The following ARHGEF26 variants were observed in gnomAD, a reference collection of about 807,000 sequenced individuals.
ARHGEF26 encodes the protein Rho guanine nucleotide exchange factor 26, also known as Rho guanine nucleotide exchange factor (GEF) 26.
A neutral mutation model predicts 89.4 loss-of-function variants in ARHGEF26; 59 were observed. That is an observed-to-expected ratio of 0.66 (90% CI 0.54 to 0.82). The LOEUF is 0.82. ARHGEF26 is among the 40% of genes least tolerant of loss of function. The pLI is 0.00. For missense variants in ARHGEF26, 1,234 were observed against 1,085.6 expected (o/e 1.14, Z -1.92); for synonymous variants, 500 against 428.4 (o/e 1.17, Z -2.06).
At chr3:154,219,803 A>C (rs1716007883) in intron 10 of ARHGEF26, among the ~76,000 whole-genome samples, 1 of 151,812 alleles carries the variant, frequency 6.6e-6, no homozygotes, top group South Asian at 2.1e-4. Context: ...AGTCCCAGCT[A>C]CTCGGGAGGC....
In ARHGEF26 at chr3:154,179,181, C is replaced by CA. The variant is rs933950533; in HGVS notation, c.1488-8495dup. On this transcript the variant is annotated intron_variant, in intron 6 of 14. Transcript: ENST00000465093. ...AATAGCCATACGTTTCTTGCTTCCT[C>CA]AAAAAAAAATATGCATGTATAATTG... Among the ~76,000 whole-genome samples, 84 of 150,972 alleles carry CA rather than the reference C, an allele frequency of 5.6e-4. 1 individual carries two copies. Among genetic ancestry groups the CA allele is most frequent in the Middle Eastern group, 6.8e-3 (2 of 294 alleles).
chr3:154,234,790 G>T (rs1717009685), intron 11 of ARHGEF26, among the ~76,000 whole-genome samples: 1 of 151,926 alleles, frequency 6.6e-6, no homozygotes, highest in African/African-American at 2.4e-5. Context: ...TTTTGAAGCG[G>T]AGTCTCACTT....
At chr3:154,209,330 TTG>T (rs1715226220) in intron 9 of ARHGEF26, among the ~76,000 whole-genome samples, 1 of 152,114 alleles carries the variant, frequency 6.6e-6, no homozygotes, top group Non-Finnish European at 1.5e-5. Context: ...TAGGTGTTCT[TTG>T]TGTCTGGGCA....
At chr3:154,169,392 C>G (rs1712272085) in intron 6 of ARHGEF26, among the ~76,000 whole-genome samples, 2 of 151,998 alleles carry the variant, frequency 1.3e-5, no homozygotes, top group East Asian at 1.9e-4. Flanking sequence ...AATGTGTTTC[C>G]TGACACGCGT....
chr3:154,205,638 A>G (rs1007220063), intron 9 of ARHGEF26, among the ~76,000 whole-genome samples: 5 of 151,858 alleles, frequency 3.3e-5, no homozygotes, highest in African/African-American at 7.3e-5. Context: ...CATCTGATTT[A>G]GTTTTTTGCT....
intron 6 of ARHGEF26, among the ~76,000 whole-genome samples, chr3:154,179,799 G>T (rs1170360244): frequency 1.3e-5 from 2 of 152,178 alleles, no homozygotes; most frequent in Non-Finnish European, 2.9e-5. Flanking sequence ...GAGGTTAGAA[G>T]AGAGTTTCTA....
chr3:154,132,402 G>A (rs962168344), intron 4 of ARHGEF26, among the ~76,000 whole-genome samples: 5 of 151,556 alleles, frequency 3.3e-5, no homozygotes, highest in Admixed American at 6.6e-5. Context: ...TATCCCTGAC[G>A]TTCTCTTCTG....
In ARHGEF26 at chr3:154,257,553, A is replaced by G. The variant is rs1045738786; in HGVS notation, c.*2080A>G. The G allele has an allele frequency of 6.6e-6, 1 of 152,242 alleles. No homozygotes were observed. The highest frequency in any genetic ancestry group is 2.4e-5 in the African/African-American group (1 of 41,460). The allele number at this position is 152,242 out of a possible 1,614,324, so 9.4% of individuals were successfully genotyped here. ...GAATGTTAAACAGCTTTGGAAATACATGCATCTTATGAATCATAGCCTTAT... is the reference window on the plus strand; with the variant it reads ...GAATGTTAAACAGCTTTGGAAATACGTGCATCTTATGAATCATAGCCTTAT... On this transcript the variant is annotated 3_prime_UTR_variant, in exon 15 of 15. Transcript: ENST00000465093.
intron 3 of ARHGEF26, among the ~76,000 whole-genome samples, chr3:154,126,366 C>G (rs1718330595): frequency 1.3e-5 from 2 of 152,186 alleles, no homozygotes; most frequent in African/African-American, 4.8e-5. Flanking sequence ...CCATCTCCTA[C>G]TTTCTGGTTG....
At chr3:154,183,300 A>G (rs1286119037) in intron 6 of ARHGEF26, among the ~76,000 whole-genome samples, 2 of 152,102 alleles carry the variant, frequency 1.3e-5, no homozygotes, top group African/African-American at 4.8e-5. Flanking sequence ...CTTTACAGGG[A>G]AAAAAAAGAT....
At chr3:154,169,196 G>C (rs1048795668) in intron 6 of ARHGEF26, among the ~76,000 whole-genome samples, 1 of 152,114 alleles carries the variant, frequency 6.6e-6, no homozygotes, top group Non-Finnish European at 1.5e-5. Context: ...CAGTATTGAA[G>C]TCTCAATTCC....
intron 11 of ARHGEF26, among the ~76,000 whole-genome samples, chr3:154,234,402 C>G (rs1218003446): frequency 6.6e-6 from 1 of 152,140 alleles, no homozygotes; most frequent in Admixed American, 6.5e-5. Flanking sequence ...TCTCTGACCA[C>G]AAGGCAGGCC....
chr3:154,152,188 A>G (rs868431948), intron 5 of ARHGEF26, among the ~76,000 whole-genome samples: 2 of 152,190 alleles, frequency 1.3e-5, no homozygotes, highest in South Asian at 4.1e-4. Context: ...AGTTTATATA[A>G]AAGAATTCCT....
intron 9 of ARHGEF26, among the ~76,000 whole-genome samples, chr3:154,205,821 T>C (rs978357455): frequency 3.3e-5 from 5 of 152,226 alleles, no homozygotes; most frequent in Admixed American, 6.5e-5. Flanking sequence ...TGTTTCTGTT[T>C]ATATCTTATT....
intron 4 of ARHGEF26, among the ~76,000 whole-genome samples, chr3:154,142,535 T>A (rs1719445964): frequency 6.6e-6 from 1 of 152,204 alleles, no homozygotes; most frequent in Non-Finnish European, 1.5e-5. Flanking sequence ...CAGAAACAGA[T>A]TTTGCTCAGG....
intron 6 of ARHGEF26, among the ~76,000 whole-genome samples, chr3:154,155,564 T>A (rs530270311): frequency 5.7e-4 from 86 of 152,148 alleles, no homozygotes; most frequent in African/African-American, 2.0e-3. Context: ...TACCAAAATA[T>A]TAGAATCCAG....
At position 154,240,390 on chromosome 3, in the gene ARHGEF26, A is replaced by G. The variant is rs754135588; in HGVS notation, c.2111A>G (p.Asn704Ser). The change falls in exon 12 of 15, where the codon AAT (asparagine) becomes AGT (serine). Residue 704 changes from asparagine (N) to serine (S), a missense_variant. Asn to Ser is a conservative substitution (Grantham distance 46, BLOSUM62 1). Transcript: ENST00000465093. Reference protein sequence around the residue: ...KKKSEESYNVNDYSLRDQLLV... With the variant: ...KKKSEESYNVSDYSLRDQLLV... ...TACAGTGAAGAAAGTTACAACGTCAATGATTATTCCTTAAGAGATCAGCTA... is the reference window on the plus strand; with the variant it reads ...TACAGTGAAGAAAGTTACAACGTCAGTGATTATTCCTTAAGAGATCAGCTA... 11 of 1,609,224 alleles carry G rather than the reference A, an allele frequency of 6.8e-6. No individual in the cohort carries two copies. The highest frequency in any genetic ancestry group is 3.4e-5 in the Admixed American group (2 of 59,594).
At chr3:154,249,721 G>T (rs1461142167) in intron 12 of ARHGEF26, among the ~76,000 whole-genome samples, 1 of 152,186 alleles carries the variant, frequency 6.6e-6, no homozygotes. Context: ...GAGTGGTAAG[G>T]CGAGTCTTCA....
chr3:154,195,771 T>C lies in ARHGEF26; in HGVS notation c.1845+1053T>C, dbSNP rs149477495. 1.1e-3 allele frequency among the ~76,000 whole-genome samples: 167 copies of C among 152,040 alleles called. 1 individual carries two copies. The East Asian group carries it at 0.032, about 29-fold the overall frequency. Reference sequence around the variant, plus strand: ...GGAGACCTGAACTGGAGACATGGATTTGGGAATCATCAGCATATGGACAAT... The same window carrying C: ...GGAGACCTGAACTGGAGACATGGATCTGGGAATCATCAGCATATGGACAAT... On this transcript the variant is annotated intron_variant, in intron 9 of 14. Transcript: ENST00000465093.
Sources: allele counts gnomAD v4.1 joint callset (sites outside exome capture counted in the v4.1 genomes callset), GRCh38; gene constraint gnomAD v4.1.1; transcripts MANE v1.5; gene names NCBI Gene and HGNC (gene_info 2026-07-23, HGNC 2026-07-21).